The following MYO1E variants were observed in gnomAD, a reference collection of about 807,000 sequenced individuals.
The protein encoded by MYO1E is myosin IE, also known as unconventional myosin-Ie.
Under a neutral mutation model 151.1 loss-of-function variants are expected in MYO1E, and 68 were observed. The ratio of observed to expected loss-of-function variants is 0.45; its 90% CI spans 0.37 to 0.55. The LOEUF (loss-of-function observed/expected upper bound fraction) is 0.55, where lower values mean the gene tolerates loss of function less well. Ranked by LOEUF, MYO1E falls within the 20% of genes least tolerant of loss-of-function variation. The pLI is 0.00. For synonymous variants in MYO1E, 601 were observed against 501.7 expected (o/e 1.20, Z -2.64); for missense variants, 1,363 against 1,389.3 (o/e 0.98, Z 0.30).
chr15:59,322,844 T>C (rs549381012), intron 1 of MYO1E, among the ~76,000 whole-genome samples: 39 of 152,274 alleles, frequency 2.6e-4, no homozygotes, highest in African/African-American at 8.4e-4. Context: ...AGCAATATTT[T>C]TCTTTTTTAA....
intron 2 of MYO1E, among the ~76,000 whole-genome samples, chr15:59,267,681 T>A (rs1226881088): frequency 2.0e-5 from 3 of 152,160 alleles, no homozygotes; most frequent in Non-Finnish European, 4.4e-5. Context: ...TTGGAGAAAG[T>A]TGGACCGAAT....
At position 59,182,723 on chromosome 15, in the gene MYO1E, C is replaced by T. The variant is rs542258802; in HGVS notation, c.1905-4186G>A. ...AATGCCTACTCAGAGTGCGGCACAG[C>T]GTAAAGTACAGCATGGAATCATGAA... On this transcript the variant is annotated intron_variant, in intron 18 of 27. Transcript: ENST00000288235. Among the ~76,000 whole-genome samples the T allele has an allele frequency of 5.9e-5, 9 of 152,242 alleles. No homozygotes were observed. The South Asian group carries it at 8.3e-4, about 14-fold the overall frequency.
chr15:59,278,282 C>G (rs1428995618), intron 1 of MYO1E, among the ~76,000 whole-genome samples: 1 of 152,138 alleles, frequency 6.6e-6, no homozygotes, highest in African/African-American at 2.4e-5. Context: ...AGTAGATCAC[C>G]CTGAGAAGCA....
At chr15:59,223,312 A>C (rs2079967967) in intron 8 of MYO1E, 121 bp from the exon 9 acceptor site, 1 of 1,062,658 alleles carries the variant, frequency 9.4e-7, no homozygotes, top group Admixed American at 3.0e-5. Context: ...GACGAGTTAC[A>C]AAGAAAAAAA....
intron 26 of MYO1E, among the ~76,000 whole-genome samples, chr15:59,147,596 C>CAAAAAAAAAAAAAAAA (rs748173480): frequency 1.8e-4 from 12 of 66,096 alleles, no homozygotes; most frequent in East Asian, 4.6e-4. Context: ...GACTCTGTCT[C>CAAAAAAAAAAAAAAAA]AAAAAAAAAA....
chr15:59,162,553 G>A (rs572662790), intron 23 of MYO1E, among the ~76,000 whole-genome samples: 2 of 151,890 alleles, frequency 1.3e-5, no homozygotes, highest in South Asian at 4.2e-4. Flanking sequence ...GGCTGAGGCA[G>A]GAGAATTGCT....
intron 1 of MYO1E, among the ~76,000 whole-genome samples, chr15:59,353,967 G>GA (rs2080839637): frequency 6.6e-6 from 1 of 152,032 alleles, no homozygotes; most frequent in South Asian, 2.1e-4. Context: ...TGTACAGATA[G>GA]AAAAAATGTG....
chr15:59,232,813 AACT>A (rs2080036346), intron 5 of MYO1E, among the ~76,000 whole-genome samples: 1 of 152,210 alleles, frequency 6.6e-6, no homozygotes, highest in Non-Finnish European at 1.5e-5. Flanking sequence ...TAAATTAATG[AACT>A]ACTAACTGAC....
chr15:59,224,294 G>A (rs1408000235), intron 8 of MYO1E, among the ~76,000 whole-genome samples: 2 of 152,152 alleles, frequency 1.3e-5, no homozygotes, highest in Non-Finnish European at 2.9e-5. Context: ...TAAGAGAAAA[G>A]ACTAAAGACG....
At chr15:59,250,485 C>T (rs1596384922) in intron 4 of MYO1E, among the ~76,000 whole-genome samples, 4 of 152,176 alleles carry the variant, frequency 2.6e-5, no homozygotes, top group Admixed American at 1.3e-4. Context: ...AACTCCACCT[C>T]GGGACCCTCC....
At chr15:59,204,164 T>G (rs954825681) in intron 15 of MYO1E, among the ~76,000 whole-genome samples, 17 of 152,164 alleles carry the variant, frequency 1.1e-4, no homozygotes, top group South Asian at 1.0e-3. Flanking sequence ...CCTAAACATC[T>G]CAGAGAAGAA....
At chr15:59,320,777 A>T (rs2080620830) in intron 1 of MYO1E, among the ~76,000 whole-genome samples, 1 of 152,194 alleles carries the variant, frequency 6.6e-6, no homozygotes, top group Non-Finnish European at 1.5e-5. Flanking sequence ...CAATCTTGGA[A>T]AAGAATCTAT....
intron 16 of MYO1E, among the ~76,000 whole-genome samples, chr15:59,200,335 C>A (rs1233428817): frequency 6.6e-6 from 1 of 152,230 alleles, no homozygotes; most frequent in African/African-American, 2.4e-5. Flanking sequence ...TCAGACACTT[C>A]ACGCAGACAT....
At chr15:59,153,841 T>G (rs1566965671) in intron 25 of MYO1E, 50 bp from the exon 26 acceptor site, 1 of 1,533,732 alleles carries the variant, frequency 6.5e-7, no homozygotes, top group East Asian at 2.2e-5. Context: ...TTGGATCCTT[T>G]GCCAAAAGTC....
intron 9 of MYO1E, among the ~76,000 whole-genome samples, chr15:59,221,270 G>T (rs543786768): frequency 6.6e-6 from 1 of 151,862 alleles, no homozygotes; most frequent in East Asian, 1.9e-4. Flanking sequence ...TCAGCCTCCT[G>T]AAGTGCTGGG....
chr15:59,136,338 A>G lies in MYO1E; in HGVS notation c.*1042T>C, dbSNP rs2079372653. The G allele has an allele frequency of 5.9e-6, 1 of 168,528 alleles. No individual in the cohort carries two copies. The highest frequency in any genetic ancestry group is 1.3e-5 in the Non-Finnish European group (1 of 76,726). 10.4% of individuals were successfully genotyped at this position (168,528 alleles called of 1,614,324 possible). On this transcript the variant is annotated 3_prime_UTR_variant, in exon 28 of 28. Coordinates refer to ENST00000288235, the MANE Select transcript of MYO1E (RefSeq NM_004998.4). ...TCTTTGGAGGCACACAATTCAACCC[A>G]TAACAAATGTCATAAAAGAAGAAGG...
chr15:59,177,582 G>A (rs1321023406), intron 19 of MYO1E, among the ~76,000 whole-genome samples: 2 of 152,166 alleles, frequency 1.3e-5, no homozygotes, highest in South Asian at 2.1e-4. Context: ...CTGAGCCTCG[G>A]TTCCAGCAGT....
chr15:59,202,468 G>C, intron 15 of MYO1E, 61 bp from the exon 16 acceptor site: 1 of 1,515,588 alleles, frequency 6.6e-7, no homozygotes, highest in Admixed American at 1.7e-5. Context: ...CTGAAAGCCT[G>C]CCTTTCTAGA....
rs188984464 is a variant in MYO1E, at chr15:59,215,613, C to T, written c.1108-893G>A. On this transcript the variant is annotated intron_variant, in intron 10 of 27. Transcript: ENST00000288235. Reference sequence around the variant, plus strand: ...TTCTTTGAGGTGATGAATACCTGGACGAATTCTGAAGTACCAGAGGTGTTT... The same window carrying T: ...TTCTTTGAGGTGATGAATACCTGGATGAATTCTGAAGTACCAGAGGTGTTT... 2.6e-4 allele frequency among the ~76,000 whole-genome samples: 39 copies of T among 152,178 alleles called. No individual in the cohort carries two copies. In the East Asian group the frequency reaches 5.8e-3, roughly 23 times the overall value.
Sources: gnomAD v4.1 joint callset for allele counts (sites outside exome capture counted in the v4.1 genomes callset) on GRCh38, gnomAD v4.1.1 for gene constraint, MANE v1.5 for transcripts, NCBI Gene and HGNC (gene_info 2026-07-23, HGNC 2026-07-21) for gene names.